The following SMIM41 variants were observed in gnomAD, a reference collection of about 807,000 sequenced individuals.
The protein encoded by SMIM41 is small integral membrane protein 41.
intron 2 of SMIM41, among the ~76,000 whole-genome samples, chr12:52,089,944 G>A (rs376503989): frequency 5.9e-5 from 9 of 152,208 alleles, no homozygotes; most frequent in African/African-American, 1.7e-4. Context: ...TCTTTTTTGG[G>A]GGGGACACAG....
chr12:52,084,564 A>G (rs921563113), intron 2 of SMIM41, among the ~76,000 whole-genome samples: 2 of 152,200 alleles, frequency 1.3e-5, no homozygotes, highest in African/African-American at 2.4e-5. Flanking sequence ...TTAGCAAAGC[A>G]CAACTCACAG....
At chr12:52,083,188 C>T (rs1939842071) in intron 1 of SMIM41, among the ~76,000 whole-genome samples, 1 of 152,148 alleles carries the variant, frequency 6.6e-6, no homozygotes. Flanking sequence ...TGCCTTCTGG[C>T]CTCTGAGGAC....
At chr12:52,085,406 A>G (rs1939878698) in intron 2 of SMIM41, among the ~76,000 whole-genome samples, 1 of 152,090 alleles carries the variant, frequency 6.6e-6, no homozygotes, top group Non-Finnish European at 1.5e-5. Context: ...CCTCCTCTTT[A>G]GGGTGGGGAA....
intron 2 of SMIM41, among the ~76,000 whole-genome samples, chr12:52,098,446 A>G (rs894851731): frequency 1.3e-5 from 2 of 151,852 alleles, no homozygotes; most frequent in Admixed American, 6.6e-5. Flanking sequence ...GGGGGTGTGA[A>G]CAACCCCTGC....
intron 2 of SMIM41, among the ~76,000 whole-genome samples, chr12:52,089,866 C>T (rs1267964971): frequency 6.6e-6 from 1 of 152,214 alleles, no homozygotes; most frequent in Non-Finnish European, 1.5e-5. Flanking sequence ...TAACTAATTA[C>T]ATCTGCAATG....
At chr12:52,104,678 G>GT (rs1565672088) in intron 2 of SMIM41, among the ~76,000 whole-genome samples, 1 of 151,832 alleles carries the variant, frequency 6.6e-6, no homozygotes, top group East Asian at 1.9e-4. Flanking sequence ...ATGGTCGGGG[G>GT]GGGGCGGTCT....
intron 2 of SMIM41, chr12:52,087,734 C>T (rs573607737): frequency 5.9e-5 from 9 of 152,366 alleles, no homozygotes; most frequent in African/African-American, 2.2e-4. Context: ...TGATCATGCC[C>T]ACTTGGCAAC....
intron 1 of SMIM41, among the ~76,000 whole-genome samples, chr12:52,083,071 C>A (rs1356138824): frequency 1.3e-5 from 2 of 152,164 alleles, no homozygotes; most frequent in Non-Finnish European, 2.9e-5. Flanking sequence ...GGGCCTGGAC[C>A]TGGGAGACCT....
chr12:52,100,622 A>ATTTTTTTTTTTTTTTTTTT (rs1173057236), intron 2 of SMIM41, among the ~76,000 whole-genome samples: 9 of 111,128 alleles, frequency 8.1e-5, no homozygotes, highest in African/African-American at 1.7e-4. Context: ...GCGCCCAGCT[A>ATTTTTTTTTTTTTTTTTTT]TTTTTTTTTT....
chr12:52,106,364 C>T (rs1379473544), intron 2 of SMIM41, among the ~76,000 whole-genome samples: 8 of 150,048 alleles, frequency 5.3e-5, no homozygotes, highest in South Asian at 2.1e-4. Flanking sequence ...TTTTTTGAGA[C>T]GGAGTTTTGC....
chr12:52,094,772 C>T (rs1940061256), intron 2 of SMIM41: 1 of 152,420 alleles, frequency 6.6e-6, no homozygotes, highest in Admixed American at 6.6e-5. Context: ...TCTGTCTCTC[C>T]TCTGGGTCTC....
At chr12:52,093,273 T>G (rs1223255985) in intron 2 of SMIM41, among the ~76,000 whole-genome samples, 1 of 151,998 alleles carries the variant, frequency 6.6e-6, no homozygotes, top group African/African-American at 2.4e-5. Context: ...CTACAGAGAG[T>G]GTTGACCAAG....
chr12:52,104,673 CG>C (rs111290671), intron 2 of SMIM41, among the ~76,000 whole-genome samples: 22,202 of 146,606 alleles, frequency 0.15, 1,997 homozygotes, highest in African/African-American at 0.27. Context: ...TGGTTATGGT[CG>C]GGGGGGGGCG....
chr12:52,087,706 C>T (rs7132699), intron 2 of SMIM41: 1 of 152,274 alleles, frequency 6.6e-6, no homozygotes, highest in African/African-American at 2.4e-5. Context: ...CCTCTCCATC[C>T]TTAGGAAAAT....
intron 2 of SMIM41, among the ~76,000 whole-genome samples, chr12:52,096,279 T>C (rs1244262363): frequency 6.6e-6 from 1 of 152,058 alleles, no homozygotes; most frequent in Non-Finnish European, 1.5e-5. Context: ...TTAGAAGCAA[T>C]ATCACCGGGT....
At chr12:52,107,224 C>T (rs1940358659) in intron 2 of SMIM41, 155 bp from the exon 3 acceptor site, 1 of 367,522 alleles carries the variant, frequency 2.7e-6, no homozygotes. Context: ...AATCTGAAAA[C>T]ATTACTTGTG....
At position 52,081,407 on chromosome 12, in the gene SMIM41, C is replaced by T. The variant is rs1040797462; in HGVS notation, c.*120+1226C>T. ...TGCAGCTAAGCAGCTGCGAAGCTAA[C>T]GACAACGTGTGATCCCTGCCCAGCA... On this transcript the variant is annotated intron_variant, in intron 1 of 2. Transcript: ENST00000546390. The surrounding 1 kb of genome is among the most constrained non-coding windows in gnomAD (Gnocchi z 4.1). Among the ~76,000 whole-genome samples the T allele has an allele frequency of 2.6e-5, 4 of 152,172 alleles. No individual in the cohort carries two copies. Among genetic ancestry groups the T allele is most frequent in the African/African-American group, 4.8e-5 (2 of 41,512 alleles).
intron 2 of SMIM41, among the ~76,000 whole-genome samples, chr12:52,105,187 A>C (rs1222237188): frequency 1.3e-5 from 2 of 152,226 alleles, no homozygotes; most frequent in Non-Finnish European, 2.9e-5. Flanking sequence ...GGTTCCTTGT[A>C]GACCACAGCT....
At chr12:52,104,680 G>T (rs879613427) in intron 2 of SMIM41, among the ~76,000 whole-genome samples, 36 of 151,760 alleles carry the variant, frequency 2.4e-4, no homozygotes, top group Non-Finnish European at 4.7e-4. Context: ...GGTCGGGGGG[G>T]GGCGGTCTCA....
Sources: allele counts gnomAD v4.1 joint callset (sites outside exome capture counted in the v4.1 genomes callset), GRCh38; gene constraint gnomAD v4.1.1; non-coding constraint Gnocchi (gnomAD v3.1); transcripts MANE v1.5; gene names NCBI Gene and HGNC (gene_info 2026-07-23, HGNC 2026-07-21).